Variants in UGT3A1 observed in about 807,000 individuals in gnomAD.
The protein encoded by UGT3A1 is UDP glycosyltransferase family 3 member A1, also known as UDP-glycosyltransferase 3A1.
In UGT3A1, 40 loss-of-function variants were observed where a neutral mutation model predicts 37.6. The observed-to-expected ratio is 1.06, with a 90% CI of 0.83 to 1.38. The LOEUF (loss-of-function observed/expected upper bound fraction) is 1.38, where lower values mean the gene tolerates loss of function less well. UGT3A1 is among the 40% of genes most tolerant of loss of function. The pLI, the probability that UGT3A1 is intolerant of heterozygous loss-of-function variation, is 0.00. For missense variants in UGT3A1, 642 were observed against 634.2 expected (o/e 1.01, Z -0.13); for synonymous variants, 256 against 232.3 (o/e 1.10, Z -0.93).
At chr5:35,998,983 TC>T (rs2111604402) in intron 1 of UGT3A1, among the ~76,000 whole-genome samples, 1 of 152,230 alleles carries the variant, frequency 6.6e-6, no homozygotes, top group South Asian at 2.1e-4. Context: ...ACGCCTGTAA[TC>T]CCAGCACTTT....
intron 4 of UGT3A1, chr5:35,960,648 T>C (rs928723494): frequency 2.0e-4 from 31 of 152,260 alleles, no homozygotes; most frequent in African/African-American, 7.5e-4. Context: ...TGCACTCTTT[T>C]AGCTTTGCAA....
rs375782832 is a variant in UGT3A1 at position 35,990,770 on chromosome 5, G to A, written c.94+377C>T. 2.0e-5 allele frequency among the ~76,000 whole-genome samples: 3 copies of A among 152,100 alleles called. No homozygotes were observed. The South Asian group carries it at 6.2e-4, about 32-fold the overall frequency. ...ACCACCGTTTCTGCTGGAAGCTACT[G>A]TGCACCTCCCGGCCCCATGGAGCTT... On this transcript the variant is annotated intron_variant, in intron 1 of 6. Coordinates refer to ENST00000274278, the MANE Select transcript of UGT3A1 (RefSeq NM_152404.4).
intron 2 of UGT3A1, among the ~76,000 whole-genome samples, chr5:35,977,030 A>G (rs1740307943): frequency 6.7e-6 from 1 of 150,006 alleles, no homozygotes; most frequent in Non-Finnish European, 1.5e-5. Context: ...GAGAGAAAGA[A>G]AGAAAGAGAG....
chr5:35,952,962 CT>C lies in UGT3A1; in HGVS notation c.*1239del, dbSNP rs930273484. On this transcript the variant is annotated 3_prime_UTR_variant, in exon 7 of 7. Transcript: ENST00000274278. ...GCAGGAGCATTTGTAACAGTTTCATCTTTTGATCTGAATTGTTTCAAGATCT... is the reference window on the plus strand; with the variant it reads ...GCAGGAGCATTTGTAACAGTTTCATCTTTGATCTGAATTGTTTCAAGATCT... 3 of 152,174 alleles carry C rather than the reference CT, an allele frequency of 2.0e-5. No individual in the cohort carries two copies. Among genetic ancestry groups the C allele is most frequent in the African/African-American group, 7.2e-5 (3 of 41,442 alleles). The allele number at this position is 152,174 out of a possible 1,614,324, so 9.4% of individuals were successfully genotyped here. A position where few individuals can be genotyped will look rare whatever the true frequency, so the allele number is the denominator to read the frequency against.
At position 35,957,638 on chromosome 5, in the gene UGT3A1, G is replaced by C. The variant is rs192316788; in HGVS notation, c.844-219C>G. On this transcript the variant is annotated intron_variant, in intron 4 of 6. Coordinates refer to ENST00000274278, the MANE Select transcript of UGT3A1 (RefSeq NM_152404.4). ...AGAAGTCATTTTTCTGATACCTGAG[G>C]ACACGTTTTTGCATATAAATTATAA... is the stretch of plus-strand genomic sequence containing the variant. 6.2e-4 allele frequency among the ~76,000 whole-genome samples: 94 copies of C among 152,194 alleles called. 1 individual carries two copies. The highest frequency in any genetic ancestry group is 1.9e-3 in the African/African-American group (79 of 41,528).
chr5:35,996,630 ATC>A (rs758934581), intron 2 of UGT3A1, among the ~76,000 whole-genome samples: 1 of 152,196 alleles, frequency 6.6e-6, no homozygotes, highest in Non-Finnish European at 1.5e-5. Context: ...TAATGCCCAT[ATC>A]TCTTTTTCAT....
chr5:35,976,926 A>G (rs1270042116), intron 2 of UGT3A1, among the ~76,000 whole-genome samples: 1 of 149,364 alleles, frequency 6.7e-6, no homozygotes, highest in Admixed American at 6.6e-5. Flanking sequence ...AGAAAGAAAA[A>G]GAAAGAAGAA....
chr5:35,980,519 T>C (rs968169831), intron 2 of UGT3A1, among the ~76,000 whole-genome samples: 3 of 152,216 alleles, frequency 2.0e-5, no homozygotes, highest in Non-Finnish European at 4.4e-5. Context: ...AACAGCTCAG[T>C]ACATATATGT....
intron 6 of UGT3A1, 33 bp from the exon 7 acceptor site, chr5:35,954,511 A>T: frequency 1.9e-6 from 3 of 1,605,434 alleles, no homozygotes; most frequent in Non-Finnish European, 2.6e-6. Flanking sequence ...TGTGTTACTG[A>T]CGTAGCCTCA....
chr5:35,975,772 G>T (rs1366026237), intron 2 of UGT3A1, among the ~76,000 whole-genome samples: 2 of 151,682 alleles, frequency 1.3e-5, no homozygotes, highest in East Asian at 3.9e-4. Context: ...GTATACATGT[G>T]CCATGTTGGT....
chr5:35,984,388 CCATTATCTAAT>C (rs2149987267), intron 2 of UGT3A1, among the ~76,000 whole-genome samples: 1 of 152,122 alleles, frequency 6.6e-6, no homozygotes, highest in African/African-American at 2.4e-5. Flanking sequence ...ATTTAGCAGC[CCATTATCTAAT>C]CATTACATCA....
At position 35,951,449 on chromosome 5, in the gene UGT3A1, T is replaced by G. The variant is rs1739199403; in HGVS notation, c.*2753A>C. The stretch of plus-strand genomic sequence containing the variant: ...CTATAGTTACTCTTACTCTTTGCTA[T>G]TTTTTACTTAACCATATTGGAATTT... On this transcript the variant is annotated 3_prime_UTR_variant, in exon 7 of 7. Coordinates refer to ENST00000274278, the MANE Select transcript of UGT3A1 (RefSeq NM_152404.4). The G allele has an allele frequency of 6.6e-6, 1 of 152,202 alleles. No individual in the cohort carries two copies. 9.4% of individuals were successfully genotyped at this position (152,202 alleles called of 1,614,324 possible). A position where few individuals can be genotyped will look rare whatever the true frequency, so the allele number is the denominator to read the frequency against.
intron 3 of UGT3A1, 27 bp downstream of exon 3, chr5:35,967,992 T>C (rs1355005757): frequency 4.5e-6 from 7 of 1,551,164 alleles, no homozygotes. Context: ...TAGTGACTCT[T>C]TGCTTCATAG....
intron 1 of UGT3A1, among the ~76,000 whole-genome samples, chr5:35,989,778 T>C (rs1386091648): frequency 6.6e-6 from 1 of 152,188 alleles, no homozygotes; most frequent in African/African-American, 2.4e-5. Flanking sequence ...AGAAGCTCTG[T>C]TGCTTCACTG....
chr5:35,977,558 CCTCTCTCATCATG>C (rs1281294325), intron 2 of UGT3A1, among the ~76,000 whole-genome samples: 1 of 152,086 alleles, frequency 6.6e-6, no homozygotes, highest in Non-Finnish European at 1.5e-5. Context: ...TTTCTAGCTC[CCTCTCTCATCATG>C]TGACTAGCCA....
chr5:35,990,965 C>G, intron 1 of UGT3A1, 182 bp downstream of exon 1: 1 of 1,504,090 alleles, frequency 6.6e-7, no homozygotes, highest in Non-Finnish European at 8.9e-7. Flanking sequence ...TCTTCCTCAC[C>G]TCAGCAATAG....
At chr5:35,956,413 T>C (rs563851265) in intron 5 of UGT3A1, among the ~76,000 whole-genome samples, 1 of 152,354 alleles carries the variant, frequency 6.6e-6, no homozygotes, top group Admixed American at 6.5e-5. Flanking sequence ...TGTGTTCCTT[T>C]GAAAATGAAA....
At chr5:35,988,585 GAA>G (rs1428280211) in intron 1 of UGT3A1, 34 bp from the exon 2 acceptor site, 15 of 1,524,918 alleles carry the variant, frequency 9.8e-6, no homozygotes, top group Non-Finnish European at 1.3e-5. Flanking sequence ...TTGTAAAGAT[GAA>G]AATAGAGTTT....
intron 3 of UGT3A1, 31 bp downstream of exon 3, chr5:35,967,988 C>T (rs749298835): frequency 6.6e-7 from 1 of 1,525,856 alleles, no homozygotes; most frequent in Admixed American, 1.7e-5. Flanking sequence ...AAAATAGTGA[C>T]TCTTTGCTTC....
Sources: gnomAD v4.1 joint callset for allele counts (sites outside exome capture counted in the v4.1 genomes callset) on GRCh38, gnomAD v4.1.1 for gene constraint, MANE v1.5 for transcripts, NCBI Gene and HGNC (gene_info 2026-07-23, HGNC 2026-07-21) for gene names.